Variants in SERPINB8 observed in about 807,000 individuals in gnomAD.
The protein encoded by SERPINB8 is serpin family B member 8.
A neutral mutation model predicts 35.3 loss-of-function variants in SERPINB8; 25 were observed. The observed-to-expected ratio is 0.71, with a 90% CI of 0.52 to 0.99. SERPINB8 has a LOEUF of 0.99. SERPINB8 is among the 50% of genes least tolerant of loss of function. The pLI is 0.00. For synonymous variants in SERPINB8, 186 were observed against 160.8 expected (o/e 1.16, Z -1.19); for missense variants, 484 against 446.5 (o/e 1.08, Z -0.76).
intron 1 of SERPINB8, among the ~76,000 whole-genome samples, chr18:63,971,998 CT>C (rs71162692): frequency 1.7e-4 from 26 of 148,646 alleles, no homozygotes; most frequent in Admixed American, 2.0e-4. Flanking sequence ...TTTCTTTTTT[CT>C]TTTTTTTTTT....
intron 7 of SERPINB8, among the ~76,000 whole-genome samples, chr18:64,015,210 G>T (rs2050944169): frequency 6.6e-6 from 1 of 152,142 alleles, no homozygotes; most frequent in African/African-American, 2.4e-5. Flanking sequence ...AAATACCAGG[G>T]TCCAGCATTT....
chr18:64,016,401 A>C (rs2050950291), intron 7 of SERPINB8, among the ~76,000 whole-genome samples: 1 of 152,178 alleles, frequency 6.6e-6, no homozygotes, highest in Non-Finnish European at 1.5e-5. Flanking sequence ...TCTTCAATGC[A>C]GGGTAGATTG....
downstream of SERPINB8, among the ~76,000 whole-genome samples, chr18:64,007,555 A>T (rs1438805550): frequency 1.3e-5 from 2 of 152,230 alleles, no homozygotes; most frequent in African/African-American, 4.8e-5. Context: ...CTGGCAATTT[A>T]TAAAGAAAAG....
chr18:63,987,677 C>G lies in SERPINB8; in HGVS notation c.*399C>G, dbSNP rs1415603238. The G allele has an allele frequency of 5.6e-6, 1 of 178,714 alleles. No individual in the cohort carries two copies. Among genetic ancestry groups the G allele is most frequent in the Non-Finnish European group, 1.2e-5 (1 of 84,396 alleles). The allele number at this position is 178,714 out of a possible 1,614,324, so 11.1% of individuals were successfully genotyped here. A position where few individuals can be genotyped will look rare whatever the true frequency, so the allele number is the denominator to read the frequency against. ...TGCCCAGGTGACACTGCACACAAAG[C>G]CAAGGGCAAACCCTATAGAGTAAAG... On this transcript the variant is annotated 3_prime_UTR_variant, in exon 7 of 7. Transcript: ENST00000397985.
Position 63,970,152 on chromosome 18 carries a change from GCA to G in SERPINB8, c.-28_-27del. The G allele has an allele frequency of 1.1e-5, 4 of 366,662 alleles. No individual in the cohort carries two copies. Among genetic ancestry groups the G allele is most frequent in the South Asian group, 4.1e-5 (2 of 48,334 alleles). The allele number at this position is 366,662 out of a possible 1,614,324, so 22.7% of individuals were successfully genotyped here. On this transcript the variant is annotated 5_prime_UTR_variant, in exon 1 of 7. Transcript: ENST00000397985. ...AGCAGCGGCGGCGGCGGCGGCGGCA[GCA>G]GCAGCAGCAGCAGGAGGTGGGGGCC... is the stretch of plus-strand genomic sequence containing the variant.
chr18:63,987,316 A>C lies in SERPINB8; in HGVS notation c.*38A>C. ...GCTGTACATACCCTCCTTTCCTTCTACCTATCTTGCCTTAATTAACATTCC... is the reference window on the plus strand; with the variant it reads ...GCTGTACATACCCTCCTTTCCTTCTCCCTATCTTGCCTTAATTAACATTCC... On this transcript the variant is annotated 3_prime_UTR_variant, in exon 7 of 7. Coordinates refer to ENST00000397985, the MANE Select transcript of SERPINB8 (RefSeq NM_002640.4). The C allele has an allele frequency of 1.3e-6, 2 of 1,559,986 alleles. No individual in the cohort carries two copies. The highest frequency in any genetic ancestry group is 1.7e-6 in the Non-Finnish European group (2 of 1,153,268).
chr18:64,009,802 C>A (rs921046270), downstream of SERPINB8, among the ~76,000 whole-genome samples: 4 of 151,948 alleles, frequency 2.6e-5, no homozygotes, highest in Non-Finnish European at 5.9e-5. Context: ...TATAAATGGG[C>A]TAATAAGTTA....
At chr18:64,001,076 C>A (rs1161123132) in intron 1 of SERPINB8, among the ~76,000 whole-genome samples, 2 of 152,168 alleles carry the variant, frequency 1.3e-5, no homozygotes, top group Admixed American at 6.5e-5. Context: ...ATTATAGTCA[C>A]CCCAGCTTTC....
At chr18:64,000,305 C>A (rs150016724) in intron 1 of SERPINB8, among the ~76,000 whole-genome samples, 1 of 152,138 alleles carries the variant, frequency 6.6e-6, no homozygotes. Flanking sequence ...GACTAATTAC[C>A]GGGTTATTGT....
chr18:64,018,645 A>T (rs2050961319), intron 7 of SERPINB8, among the ~76,000 whole-genome samples: 1 of 152,092 alleles, frequency 6.6e-6, no homozygotes, highest in Admixed American at 6.6e-5. Flanking sequence ...AATTTTAACG[A>T]CTCTTATGAG....
At position 63,985,184 on chromosome 18, in the gene SERPINB8, A is replaced by G. The variant is rs781507596; in HGVS notation, c.659A>G (p.Tyr220Cys). 25 of 1,614,098 alleles carry G rather than the reference A, an allele frequency of 1.5e-5. No individual in the cohort carries two copies. Among genetic ancestry groups the G allele is most frequent in the South Asian group, 1.2e-4 (11 of 91,090 alleles). The change falls in exon 6 of 7, where the codon TAT becomes TGT. Residue 220 changes from tyrosine (Y) to cysteine (C), a missense_variant. Coordinates refer to ENST00000397985, the MANE Select transcript of SERPINB8 (RefSeq NM_002640.4). ...EVHTQVLELP[Y>C]VEEELSMVIL... ...CACACCCAGGTCCTGGAGCTGCCCT[A>G]TGTGGAAGAGGAGCTGAGCATGGTC...
intron 1 of SERPINB8, among the ~76,000 whole-genome samples, chr18:64,002,792 G>C (rs1349083054): frequency 6.6e-6 from 1 of 152,078 alleles, no homozygotes; most frequent in Non-Finnish European, 1.5e-5. Flanking sequence ...GACTCACCCC[G>C]ACCGCGGGTC....
At chr18:64,003,164 T>C (rs980721262) in intron 1 of SERPINB8, among the ~76,000 whole-genome samples, 2 of 152,190 alleles carry the variant, frequency 1.3e-5, no homozygotes, top group Non-Finnish European at 2.9e-5. Flanking sequence ...CTCCTAATTC[T>C]TTTATTCAGT....
At chr18:63,983,052 G>A (rs571194660) in intron 4 of SERPINB8, among the ~76,000 whole-genome samples, 1 of 152,316 alleles carries the variant, frequency 6.6e-6, no homozygotes, top group South Asian at 2.1e-4. Flanking sequence ...ACCAGGGGTA[G>A]CTTTGCCCTC....
chr18:63,982,218 C>T (rs995429930), intron 4 of SERPINB8, among the ~76,000 whole-genome samples: 1 of 152,104 alleles, frequency 6.6e-6, no homozygotes, highest in East Asian at 1.9e-4. Flanking sequence ...ATCTCCTCCG[C>T]GTGGTAATGG....
At chr18:64,013,420 T>C (rs1037895119) in intron 7 of SERPINB8, among the ~76,000 whole-genome samples, 1 of 152,172 alleles carries the variant, frequency 6.6e-6, no homozygotes, top group Non-Finnish European at 1.5e-5. Context: ...ATCTCTCCAA[T>C]TTTCTTTGGT....
intron 7 of SERPINB8, among the ~76,000 whole-genome samples, chr18:64,018,724 A>G (rs546403418): frequency 1.3e-5 from 2 of 151,842 alleles, no homozygotes; most frequent in Admixed American, 1.3e-4. Context: ...GAAAACATCT[A>G]TGAATTACAC....
chr18:63,983,146 C>G (rs994666901), intron 4 of SERPINB8, among the ~76,000 whole-genome samples: 5 of 152,138 alleles, frequency 3.3e-5, no homozygotes, highest in Non-Finnish European at 7.3e-5. Flanking sequence ...CTACAATGCA[C>G]AAGACAGCCC....
At chr18:63,983,908 G>A (rs936717869) in intron 5 of SERPINB8, among the ~76,000 whole-genome samples, 187 bp downstream of exon 5, 1 of 152,272 alleles carries the variant, frequency 6.6e-6, no homozygotes, top group Middle Eastern at 3.4e-3. Flanking sequence ...GTGCAGTGGT[G>A]TAATCTCAGC....
Sources: gnomAD v4.1 joint callset for allele counts (sites outside exome capture counted in the v4.1 genomes callset) on GRCh38, gnomAD v4.1.1 for gene constraint, MANE v1.5 for transcripts, NCBI Gene and HGNC (gene_info 2026-07-23, HGNC 2026-07-21) for gene names.